BRAF: variants seen among roughly 807,000 people sequenced by gnomAD.
BRAF encodes the protein serine/threonine-protein kinase B-raf.
Under a neutral mutation model 104.6 loss-of-function variants are expected in BRAF, and 16 were observed. The ratio of observed to expected loss-of-function variants is 0.15; its 90% CI spans 0.10 to 0.23. BRAF has a LOEUF of 0.23. Among genes scored for constraint, BRAF ranks in the 10% least tolerant of loss-of-function variants. The probability of loss-of-function intolerance (pLI) is 1.00; values close to 1 mark genes in which losing one functional copy is unlikely to be tolerated. For missense variants in BRAF, 541 were observed against 937.3 expected, an observed-to-expected ratio of 0.58 and a Z score of 5.52; for synonymous variants, 310 against 341.6, an observed-to-expected ratio of 0.91 and a Z score of 1.02.
Position 140,725,652 on chromosome 7 carries a change from G to C in BRAF, c.*842C>G. On this transcript the variant is annotated 3_prime_UTR_variant, in exon 20 of 20. Coordinates refer to ENST00000644969, the MANE Select transcript of BRAF (RefSeq NM_001374258.1). ...GTAGTTGGTGACTGGAAGAGCATAGGAGGAAGATATAAACTGTATTTCCTG... is the reference window on the plus strand; with the variant it reads ...GTAGTTGGTGACTGGAAGAGCATAGCAGGAAGATATAAACTGTATTTCCTG... 1.9e-6 allele frequency: 2 copies of C among 1,058,906 alleles called. No individual in the cohort carries two copies. Among genetic ancestry groups the C allele is most frequent in the Non-Finnish European group, 2.3e-6 (2 of 875,398 alleles). 65.6% of individuals were successfully genotyped at this position (1,058,906 alleles called of 1,614,324 possible). A position where few individuals can be genotyped will look rare whatever the true frequency, so the allele number is the denominator to read the frequency against.
chr7:140,869,314 C>G (rs1168340519), intron 1 of BRAF, among the ~76,000 whole-genome samples: 1 of 152,038 alleles, frequency 6.6e-6, no homozygotes, highest in Non-Finnish European at 1.5e-5. Flanking sequence ...CAGATTCTAC[C>G]ATACAATTGA....
intron 1 of BRAF, among the ~76,000 whole-genome samples, chr7:140,875,282 TAC>T (rs1405989738): frequency 6.6e-6 from 1 of 152,126 alleles, no homozygotes; most frequent in Non-Finnish European, 1.5e-5. Context: ...GACATAAAAC[TAC>T]AGATTCAAAA....
At chr7:140,913,640 G>T (rs1817266473) in intron 1 of BRAF, among the ~76,000 whole-genome samples, 1 of 151,776 alleles carries the variant, frequency 6.6e-6, no homozygotes, top group Non-Finnish European at 1.5e-5. Context: ...ATGCCACCAG[G>T]CCCAGCTAAT....
chr7:140,851,494 C>T (rs1809154745), intron 1 of BRAF, among the ~76,000 whole-genome samples: 1 of 152,072 alleles, frequency 6.6e-6, no homozygotes, highest in Admixed American at 6.6e-5. Context: ...TACTAAAGGA[C>T]ATTTAGATTA....
chr7:140,766,478 C>G (rs1799336001), intron 14 of BRAF, among the ~76,000 whole-genome samples: 2 of 151,292 alleles, frequency 1.3e-5, no homozygotes, highest in Admixed American at 1.3e-4. Context: ...AGAAAATAAA[C>G]ATACAGAAAA....
intron 1 of BRAF, among the ~76,000 whole-genome samples, chr7:140,913,773 C>T (rs1280065116): frequency 1.3e-5 from 2 of 152,044 alleles, no homozygotes; most frequent in African/African-American, 2.4e-5. Context: ...TGAGCCACTG[C>T]GCCCGGCCAA....
intron 1 of BRAF, among the ~76,000 whole-genome samples, chr7:140,902,709 G>A (rs900154301): frequency 6.6e-6 from 1 of 152,168 alleles, no homozygotes; most frequent in Non-Finnish European, 1.5e-5. Context: ...AAGGTGGGAG[G>A]ATTGCTTGAG....
At chr7:140,798,555 C>G (rs906787732) in intron 7 of BRAF, among the ~76,000 whole-genome samples, 7 of 147,382 alleles carry the variant, frequency 4.7e-5, no homozygotes, top group African/African-American at 1.5e-4. Context: ...CCACCGCGCC[C>G]GGCCTTTTTT....
chr7:140,779,941 C>T (rs981217709), intron 12 of BRAF: 2 of 151,950 alleles, frequency 1.3e-5, no homozygotes, highest in Admixed American at 1.3e-4. Flanking sequence ...CAAAACAAAA[C>T]AAAACAAACA....
intron 10 of BRAF, among the ~76,000 whole-genome samples, chr7:140,784,110 G>A (rs1801132672): frequency 6.6e-6 from 1 of 151,852 alleles, no homozygotes; most frequent in Non-Finnish European, 1.5e-5. Context: ...TCTATATACA[G>A]AACAACAAAA....
intron 1 of BRAF, among the ~76,000 whole-genome samples, chr7:140,859,136 C>T (rs989312908): frequency 3.3e-5 from 5 of 152,244 alleles, no homozygotes; most frequent in East Asian, 1.9e-4. Flanking sequence ...ACTTTTGTGA[C>T]GGAAACAACA....
rs1803935725 is a variant in BRAF, at chr7:140,808,911, C to G, written c.589G>C (p.Val197Leu). 6 of 1,611,872 alleles carry G rather than the reference C, an allele frequency of 3.7e-6. No individual in the cohort carries two copies. The highest frequency in any genetic ancestry group is 5.1e-6 in the Non-Finnish European group (6 of 1,179,438). The change falls in exon 4 of 20, where the codon GTT (valine) becomes CTT (leucine). Residue 197 changes from valine to leucine, a missense_variant. Val to Leu is a conservative substitution (Grantham distance 32). This residue lies in a region of BRAF where 26 missense variants were observed against 74.4 expected (regional missense o/e 0.35). Transcript: ENST00000644969. Reference sequence around the variant, plus strand: ...CCATACCCATCCTGAATTCTGTAAACAGCACAGCACTCTGGGATTAGACCT... The same window carrying G: ...CCATACCCATCCTGAATTCTGTAAAGAGCACAGCACTCTGGGATTAGACCT... ...MRGLIPECCA[V>L]YRIQDGEKKP...
chr7:140,860,645 T>C (rs573288964), intron 1 of BRAF, among the ~76,000 whole-genome samples: 5 of 152,102 alleles, frequency 3.3e-5, no homozygotes, highest in Non-Finnish European at 7.4e-5. Context: ...AGCAAGACCT[T>C]GTCTCAAAAA....
chr7:140,760,925 A>G, intron 14 of BRAF, among the ~76,000 whole-genome samples: 1 of 152,210 alleles, frequency 6.6e-6, no homozygotes, highest in Non-Finnish European at 1.5e-5. Flanking sequence ...AGTGTACCTG[A>G]AAGTGACGGG....
At chr7:140,899,332 CT>C (rs1815331796) in intron 1 of BRAF, among the ~76,000 whole-genome samples, 1 of 152,048 alleles carries the variant, frequency 6.6e-6, no homozygotes, top group African/African-American at 2.4e-5. Flanking sequence ...TTAACAAGCC[CT>C]CCAGATGACT....
intron 1 of BRAF, among the ~76,000 whole-genome samples, chr7:140,873,206 C>A (rs1056010042): frequency 7.6e-6 from 1 of 132,402 alleles, no homozygotes; most frequent in Non-Finnish European, 1.5e-5. Context: ...GAGTTCTGCT[C>A]GTCGCCCAGG....
At chr7:140,876,001 T>G (rs1168508448) in intron 1 of BRAF, among the ~76,000 whole-genome samples, 1 of 152,136 alleles carries the variant, frequency 6.6e-6, no homozygotes, top group Non-Finnish European at 1.5e-5. Flanking sequence ...GAAGAGTAGG[T>G]TGAGGAGTAA....
chr7:140,864,806 A>G (rs1357338122), intron 1 of BRAF, among the ~76,000 whole-genome samples: 1 of 152,182 alleles, frequency 6.6e-6, no homozygotes, highest in African/African-American at 2.4e-5. Context: ...GTTTGTGGCT[A>G]AAGGGAATTT....
Position 140,723,054 on chromosome 7 carries a change from CTATT to C in BRAF, c.*3436_*3439del. 2 of 1,050,808 alleles carry C rather than the reference CTATT, an allele frequency of 1.9e-6. No homozygotes were observed. Among genetic ancestry groups the C allele is most frequent in the Non-Finnish European group, 2.3e-6 (2 of 870,274 alleles). 65.1% of individuals were successfully genotyped at this position (1,050,808 alleles called of 1,614,324 possible). A position where few individuals can be genotyped will look rare whatever the true frequency, so the allele number is the denominator to read the frequency against. On this transcript the variant is annotated 3_prime_UTR_variant, in exon 20 of 20. Transcript: ENST00000644969. ...ACTTTTCATATTTTAAAATAAATAA[CTATT>C]CATTACCTCATTCTGAAGAGGTAGT...
Sources: allele counts gnomAD v4.1 joint callset (sites outside exome capture counted in the v4.1 genomes callset), GRCh38; gene constraint gnomAD v4.1.1; regional missense constraint gnomAD v4.1.1; transcripts MANE v1.5; gene names NCBI Gene and HGNC (gene_info 2026-07-23, HGNC 2026-07-21).